The following ANXA9 variants were observed in gnomAD, a reference collection of about 807,000 sequenced individuals.
ANXA9 encodes the protein annexin A9.
A neutral mutation model predicts 51.8 loss-of-function variants in ANXA9; 47 were observed. That is an observed-to-expected ratio of 0.91 (90% CI 0.72 to 1.16). The LOEUF (loss-of-function observed/expected upper bound fraction) is 1.16. Among genes scored for constraint, ANXA9 ranks in the 50% most tolerant of loss-of-function variants. The pLI, the probability that ANXA9 is intolerant of heterozygous loss-of-function variation, is 0.00. For missense variants in ANXA9, 361 were observed against 424.7 expected (o/e 0.85, Z 1.32); for synonymous variants, 154 against 168.7 (o/e 0.91, Z 0.68).
At chr1:150,994,458 C>T in intron 12 of ANXA9, 119 bp from the exon 13 acceptor site, 1 of 1,477,264 alleles carries the variant, frequency 6.8e-7, no homozygotes, top group Non-Finnish European at 9.2e-7. Flanking sequence ...ATAATGTACA[C>T]TCTTATCCCT....
intron 4 of ANXA9, 110 bp downstream of exon 4, chr1:150,983,544 C>G: frequency 9.1e-7 from 1 of 1,097,740 alleles, no homozygotes; most frequent in Non-Finnish European, 1.3e-6. Context: ...TTGTGGAATG[C>G]CTTCATTCTT....
At chr1:150,981,228 C>A (rs587604090), upstream of ANXA9, among the ~76,000 whole-genome samples, 1 of 152,198 alleles carries the variant, frequency 6.6e-6, no homozygotes, top group African/African-American at 2.4e-5. Context: ...CCTTTCATGG[C>A]GTGTCCTCCG....
chr1:150,986,524 A>T, intron 8 of ANXA9, 78 bp from the exon 9 acceptor site: 1 of 1,578,634 alleles, frequency 6.3e-7, no homozygotes. Flanking sequence ...GCTTTAGGGG[A>T]GACCAGCCTT....
In ANXA9 at chr1:150,994,698, A is replaced by G; in HGVS notation, c.974A>G (p.Gln325Arg). ...KFGKSLYSSL[Q>R]DAVKGDCQSA... ...GGGAAGTCCCTCTACTCTTCTCTCC[A>G]GGTGAAACTTGGCTACTTCTTAGCC... The change falls in exon 13 of 14, where the codon CAG becomes CGG. Residue 325 changes from glutamine (Q) to arginine (R), a missense_variant and splice_region_variant. Transcript: ENST00000368947. 6.2e-7 allele frequency: 1 copy of G among 1,613,900 alleles called. No homozygotes were observed. The highest frequency in any genetic ancestry group is 1.1e-5 in the South Asian group (1 of 91,084).
chr1:150,991,690 C>T (rs767759966), intron 12 of ANXA9, among the ~76,000 whole-genome samples: 2 of 152,050 alleles, frequency 1.3e-5, no homozygotes, highest in African/African-American at 2.4e-5. Flanking sequence ...TATAGTTGCC[C>T]GCCACCACAT....
At position 150,995,305 on chromosome 1, in the gene ANXA9, AG is replaced by A; in HGVS notation, c.1024del (p.Ala342LeufsTer13). 4.3e-6 allele frequency: 7 copies of A among 1,609,682 alleles called. No individual in the cohort carries two copies. Among genetic ancestry groups the A allele is most frequent in the Non-Finnish European group, 5.9e-6 (7 of 1,177,890 alleles). The stretch of plus-strand genomic sequence containing the variant: ...CCAGTCAGCCCTCCTGGCCTTGTGC[AG>A]GGCTGAAGACATGTGAGACTTCCCT... ...DCQSALLALC[R>X]AEDM On this transcript the variant is annotated frameshift_variant, in exon 14 of 14. Coordinates refer to ENST00000368947, the MANE Select transcript of ANXA9 (RefSeq NM_003568.3). LOFTEE classifies it high-confidence loss of function.
chr1:150,989,010 T>G (rs1671635959), intron 12 of ANXA9, among the ~76,000 whole-genome samples: 1 of 151,784 alleles, frequency 6.6e-6, no homozygotes, highest in African/African-American at 2.4e-5. Context: ...TTCACTCTTG[T>G]TGCCCAGGCT....
Position 150,984,264 on chromosome 1 carries a change from A to G in ANXA9, c.268-17A>G. 2.5e-6 allele frequency: 4 copies of G among 1,610,888 alleles called. No homozygotes were observed. Among genetic ancestry groups the G allele is most frequent in the Middle Eastern group, 1.7e-4 (1 of 6,058 alleles). On this transcript the variant is annotated splice_polypyrimidine_tract_variant and intron_variant, in intron 5 of 13. Coordinates refer to ENST00000368947, the MANE Select transcript of ANXA9 (RefSeq NM_003568.3). ...CCCTCACCCCCGTCCCTCTGCTGTG[A>G]GGACCATTTATTGTAGGACCTGATG...
At chr1:150,980,612 C>T (rs1671399395), upstream of ANXA9, among the ~76,000 whole-genome samples, 1 of 120,106 alleles carries the variant, frequency 8.3e-6, no homozygotes, top group Non-Finnish European at 1.6e-5. Flanking sequence ...GAGTCTCACT[C>T]TGTCGCCCAG....
At chr1:150,992,915 T>C (rs776144725) in intron 12 of ANXA9, among the ~76,000 whole-genome samples, 1 of 152,170 alleles carries the variant, frequency 6.6e-6, no homozygotes, top group Non-Finnish European at 1.5e-5. Context: ...TGGGGAGCAA[T>C]TGGCAATCTT....
At chr1:150,982,975 C>T (rs587667126) in intron 2 of ANXA9, 115 bp from the exon 3 acceptor site, 5 of 709,136 alleles carry the variant, frequency 7.1e-6, no homozygotes, top group Non-Finnish European at 4.7e-6. Context: ...TTTTTTTCTG[C>T]AGCAAGGAAA....
chr1:150,986,450 G>A (rs377141781), intron 8 of ANXA9, 35 bp downstream of exon 8: 68 of 1,607,188 alleles, frequency 4.2e-5, no homozygotes, highest in Non-Finnish European at 5.4e-5. Flanking sequence ...AGGGAGTCAC[G>A]TTCACCAGGC....
intron 9 of ANXA9, 35 bp from the exon 10 acceptor site, chr1:150,987,837 G>T (rs764170374): frequency 2.5e-6 from 4 of 1,587,914 alleles, no homozygotes; most frequent in Middle Eastern, 3.4e-4. Context: ...CAATGATCCT[G>T]ATTGACTCCT....
At chr1:150,983,302 G>A in intron 3 of ANXA9, 36 bp from the exon 4 acceptor site, 3 of 1,609,368 alleles carry the variant, frequency 1.9e-6, no homozygotes, top group Non-Finnish European at 2.5e-6. Flanking sequence ...AGGCAGCCTG[G>A]CCCTGGCCCT....
chr1:150,983,697 C>G (rs1255647277), intron 4 of ANXA9, among the ~76,000 whole-genome samples: 7 of 152,096 alleles, frequency 4.6e-5, no homozygotes, highest in Non-Finnish European at 8.8e-5. Flanking sequence ...CAGCTCATGA[C>G]GGAGGTGGTA....
At chr1:150,983,878 C>T (rs1258813778) in intron 4 of ANXA9, 97 bp from the exon 5 acceptor site, 5 of 1,206,538 alleles carry the variant, frequency 4.1e-6, no homozygotes, top group Non-Finnish European at 5.9e-6. Flanking sequence ...TCCTTTCCTT[C>T]CCAGCCCTCT....
intron 4 of ANXA9, 57 bp downstream of exon 4, chr1:150,983,491 A>C: frequency 6.8e-7 from 1 of 1,468,844 alleles, no homozygotes; most frequent in East Asian, 2.5e-5. Flanking sequence ...CTGTAGACCA[A>C]GGAGGAGCCA....
upstream of ANXA9, among the ~76,000 whole-genome samples, chr1:150,979,335 C>T (rs1671378868): frequency 6.6e-6 from 1 of 152,000 alleles, no homozygotes; most frequent in Admixed American, 6.6e-5. Flanking sequence ...CTCCCTAAAT[C>T]TGCTGGGCAG....
At chr1:150,990,913 G>A (rs1454780544) in intron 12 of ANXA9, among the ~76,000 whole-genome samples, 3 of 152,102 alleles carry the variant, frequency 2.0e-5, no homozygotes, top group Admixed American at 6.6e-5. Context: ...GGGAGGCCAA[G>A]GCGGGCGGAT....
Sources: gnomAD v4.1 joint callset for allele counts (sites outside exome capture counted in the v4.1 genomes callset) on GRCh38, gnomAD v4.1.1 for gene constraint, MANE v1.5 for transcripts, NCBI Gene and HGNC (gene_info 2026-07-23, HGNC 2026-07-21) for gene names.